Variants in NDUFV3 observed in about 807,000 individuals in gnomAD.
NDUFV3 encodes the protein NADH dehydrogenase [ubiquinone] flavoprotein 3, mitochondrial.
In NDUFV3, 44 loss-of-function variants were observed where a neutral mutation model predicts 37.5. The observed-to-expected ratio is 1.17, with a 90% CI of 0.92 to 1.51. The LOEUF (loss-of-function observed/expected upper bound fraction) is 1.51. Ranked by LOEUF, NDUFV3 falls within the 40% of genes most tolerant of loss-of-function variation. The pLI is 0.00. For synonymous variants in NDUFV3, 235 were observed against 239.3 expected (o/e 0.98, Z 0.17); for missense variants, 580 against 580.4 (o/e 1.00, Z 0.01).
intron 3 of NDUFV3, chr21:42,906,747 G>A: frequency 2.3e-6 from 1 of 426,864 alleles, no homozygotes; most frequent in Admixed American, 2.8e-5. Flanking sequence ...GGCCTTCCAG[G>A]TAGAGTGGTT....
chr21:42,900,985 T>C (rs1377272211), intron 2 of NDUFV3, among the ~76,000 whole-genome samples: 1 of 152,188 alleles, frequency 6.6e-6, no homozygotes, highest in Non-Finnish European at 1.5e-5. Context: ...CAGTCAGTAA[T>C]AAATTGTTGA....
At chr21:42,899,157 G>A (rs991695288) in intron 2 of NDUFV3, among the ~76,000 whole-genome samples, 2 of 152,178 alleles carry the variant, frequency 1.3e-5, no homozygotes, top group African/African-American at 4.8e-5. Flanking sequence ...GCCTTGCTGG[G>A]TGGTTGTGAG....
chr21:42,903,778 G>A lies in NDUFV3; in HGVS notation c.766G>A (p.Glu256Lys), dbSNP rs1278933035. The change falls in exon 3 of 4, where the codon GAA becomes AAA. Residue 256 changes from glutamate (E) to lysine (K), a missense_variant. Coordinates refer to ENST00000354250, the MANE Select transcript of NDUFV3 (RefSeq NM_021075.4). ...KTTMPRSQVD[E>K]EFLKQSLKEK... is the part of the protein sequence containing the mutation. ...CACAATGCCCAGATCTCAAGTAGAT[G>A]AAGAGTTTTTGAAGCAAAGTTTAAA... The A allele has an allele frequency of 6.2e-7, 1 of 1,614,164 alleles. No homozygotes were observed. The highest frequency in any genetic ancestry group is 8.5e-7 in the Non-Finnish European group (1 of 1,180,042).
intron 2 of NDUFV3, among the ~76,000 whole-genome samples, chr21:42,897,814 C>T (rs1313645198): frequency 6.6e-6 from 1 of 152,114 alleles, no homozygotes; most frequent in East Asian, 1.9e-4. Flanking sequence ...GTAGCTGGGA[C>T]TACAGGCGCC....
chr21:42,908,815 A>G (rs2058753802), intron 3 of NDUFV3, 49 bp from the exon 4 acceptor site: 1 of 1,611,396 alleles, frequency 6.2e-7, no homozygotes, highest in Non-Finnish European at 8.5e-7. Flanking sequence ...AGTCATTCAT[A>G]AAGAGCTGTC....
intron 3 of NDUFV3, chr21:42,906,892 C>T (rs2058744471): frequency 1.9e-6 from 1 of 518,676 alleles, no homozygotes; most frequent in African/African-American, 1.9e-5. Context: ...GGAAGGATGC[C>T]AGCTCTTTAA....
At position 42,911,701 on chromosome 21, in the gene NDUFV3, G is replaced by A. The variant is rs2058772352; in HGVS notation, c.*2680G>A. On this transcript the variant is annotated 3_prime_UTR_variant, in exon 4 of 4. Coordinates refer to ENST00000354250, the MANE Select transcript of NDUFV3 (RefSeq NM_021075.4). Reference sequence around the variant, plus strand: ...TTGCAGGCGTGAGCCCCCATTCCCAGCCATTAACATCTTACAGGATTCCCC... The same window carrying A: ...TTGCAGGCGTGAGCCCCCATTCCCAACCATTAACATCTTACAGGATTCCCC... 1 of 151,956 alleles carries A rather than the reference G, an allele frequency of 6.6e-6. No individual in the cohort carries two copies. Among genetic ancestry groups the A allele is most frequent in the Admixed American group, 6.6e-5 (1 of 15,242 alleles). The allele number at this position is 151,956 out of a possible 1,614,324, so 9.4% of individuals were successfully genotyped here. A position where few individuals can be genotyped will look rare whatever the true frequency, so the allele number is the denominator to read the frequency against.
intron 2 of NDUFV3, 94 bp downstream of exon 2, chr21:42,897,141 C>T (rs2058696007): frequency 1.1e-5 from 15 of 1,394,788 alleles, no homozygotes; most frequent in South Asian, 4.8e-5. Flanking sequence ...TTACTAGCTA[C>T]GTAATTTATG....
At chr21:42,895,743 A>G (rs1266598432) in intron 1 of NDUFV3, among the ~76,000 whole-genome samples, 1 of 152,028 alleles carries the variant, frequency 6.6e-6, no homozygotes, top group African/African-American at 2.4e-5. Context: ...GCACTGGAGA[A>G]CGTCTGGTTG....
chr21:42,894,335 T>TATATATAATATATAAATATATATATATA, intron 1 of NDUFV3, among the ~76,000 whole-genome samples: 1 of 39,126 alleles, frequency 2.6e-5, no homozygotes, highest in Non-Finnish European at 4.2e-5. Flanking sequence ...AAATACATAT[T>TATATATAATATATAAATATATATATATA]ATATATATTA....
chr21:42,905,546 G>A (rs2058737444), intron 3 of NDUFV3, among the ~76,000 whole-genome samples: 1 of 152,048 alleles, frequency 6.6e-6, no homozygotes, highest in Non-Finnish European at 1.5e-5. Context: ...CATGGGTTTT[G>A]CTCTTGTTGC....
At position 42,910,812 on chromosome 21, in the gene NDUFV3, C is replaced by T. The variant is rs1182174299; in HGVS notation, c.*1791C>T. The T allele has an allele frequency of 6.5e-6, 1 of 153,950 alleles. No individual in the cohort carries two copies. Among genetic ancestry groups the T allele is most frequent in the Non-Finnish European group, 1.5e-5 (1 of 68,924 alleles). The allele number at this position is 153,950 out of a possible 1,614,324, so 9.5% of individuals were successfully genotyped here. On this transcript the variant is annotated 3_prime_UTR_variant, in exon 4 of 4. Coordinates refer to ENST00000354250, the MANE Select transcript of NDUFV3 (RefSeq NM_021075.4). ...TAGGGTTTCTGGGTTGGCCAAGTAACCTCCCATCCCTTGTGATAGATAACT... is the reference window on the plus strand; with the variant it reads ...TAGGGTTTCTGGGTTGGCCAAGTAATCTCCCATCCCTTGTGATAGATAACT...
At chr21:42,902,862 C>G (rs1457528497) in intron 2 of NDUFV3, among the ~76,000 whole-genome samples, 3 of 152,196 alleles carry the variant, frequency 2.0e-5, no homozygotes, top group Non-Finnish European at 4.4e-5. Flanking sequence ...CATCTAAGTA[C>G]ATCCTCCTGT....
At position 42,893,341 on chromosome 21, in the gene NDUFV3, C is replaced by A. The variant is rs777553859; in HGVS notation, c.8C>A (p.Ala3Asp). The change falls in exon 1 of 4, where the codon GCC becomes GAC. Residue 3 changes from alanine (A) to aspartate (D), a missense_variant. Ala to Asp is a moderately radical substitution (Grantham distance 126). Coordinates refer to ENST00000354250, the MANE Select transcript of NDUFV3 (RefSeq NM_021075.4). ...GCGCCCGCTGTCACCGCCATGGCTG[C>A]CCCGTGTTTGCTGCGGCAAGGACGA... MAAPCLLRQGRAG... is the reference protein window; with the variant it reads MADPCLLRQGRAG... 474 of 1,538,246 alleles carry A rather than the reference C, an allele frequency of 3.1e-4. 1 individual carries two copies. Among genetic ancestry groups the A allele is most frequent in the South Asian group, 7.9e-4 (66 of 83,966 alleles).
intron 1 of NDUFV3, among the ~76,000 whole-genome samples, chr21:42,894,387 A>ATATG (rs2058675623): frequency 3.4e-5 from 1 of 29,224 alleles, no homozygotes; most frequent in Non-Finnish European, 5.8e-5. Context: ...TAATATGTAA[A>ATATG]TATATATTAT....
chr21:42,904,349 T>C (rs2058732595), intron 3 of NDUFV3, 73 bp downstream of exon 3: 8 of 1,539,918 alleles, frequency 5.2e-6, no homozygotes, highest in Admixed American at 2.0e-5. Context: ...AATTTACATA[T>C]GCTTGTAGAG....
In NDUFV3 at chr21:42,893,344, C is replaced by T. The variant is rs77606940; in HGVS notation, c.11C>T (p.Pro4Leu). Residue 4 changes from proline (P) to leucine (L), a missense_variant, in exon 1 of 4, where the codon CCG becomes CTG. Transcript: ENST00000354250. The part of the protein sequence containing the change: MAA[P>L]CLLRQGRAGA... ...CCCGCTGTCACCGCCATGGCTGCCCCGTGTTTGCTGCGGCAAGGACGAGCC... is the reference window on the plus strand; with the variant it reads ...CCCGCTGTCACCGCCATGGCTGCCCTGTGTTTGCTGCGGCAAGGACGAGCC... 142 of 1,538,336 alleles carry T rather than the reference C, an allele frequency of 9.2e-5. 1 individual carries two copies. The highest frequency in any genetic ancestry group is 2.2e-4 in the Middle Eastern group (1 of 4,512).
In NDUFV3 at chr21:42,908,929, T is replaced by C; in HGVS notation, c.1330T>C (p.Tyr444His). Residue 444 changes from tyrosine (Y) to histidine (H), a missense_variant, in exon 4 of 4, where the codon TAC becomes CAC. Coordinates refer to ENST00000354250, the MANE Select transcript of NDUFV3 (RefSeq NM_021075.4). ...CTACAAGAACCTGCAGCATCATGAC[T>C]ACAGCACGTACACCTTCTTAGACCT... ...TTYKNLQHHD[Y>H]STYTFLDLNL... 6.2e-7 allele frequency: 1 copy of C among 1,614,104 alleles called. No homozygotes were observed. Among genetic ancestry groups the C allele is most frequent in the Non-Finnish European group, 8.5e-7 (1 of 1,179,996 alleles).
chr21:42,894,763 C>G (rs2058683543), intron 1 of NDUFV3, among the ~76,000 whole-genome samples: 1 of 150,738 alleles, frequency 6.6e-6, no homozygotes, highest in Non-Finnish European at 1.5e-5. Flanking sequence ...CTAACGATTT[C>G]TATCAGCTTT....
Sources: allele counts gnomAD v4.1 joint callset (sites outside exome capture counted in the v4.1 genomes callset), GRCh38; gene constraint gnomAD v4.1.1; transcripts MANE v1.5; gene names NCBI Gene and HGNC (gene_info 2026-07-23, HGNC 2026-07-21).